CYTH1: variants seen among roughly 807,000 people sequenced by gnomAD.
CYTH1 encodes the protein cytohesin-1.
Under a neutral mutation model 61.8 loss-of-function variants are expected in CYTH1, and 18 were observed. That is an observed-to-expected ratio of 0.29 (90% CI 0.20 to 0.43). CYTH1 has a LOEUF of 0.43. Ranked by LOEUF, CYTH1 falls within the 20% of genes least tolerant of loss-of-function variation. CYTH1 has a pLI of 1.00. For synonymous variants in CYTH1, 174 were observed against 184.3 expected (o/e 0.94, Z 0.45); for missense variants, 336 against 510.5 (o/e 0.66, Z 3.29).
chr17:78,705,988 G>A (rs2093061446), intron 3 of CYTH1, among the ~76,000 whole-genome samples: 1 of 152,060 alleles, frequency 6.6e-6, no homozygotes, highest in Non-Finnish European at 1.5e-5. Flanking sequence ...GAAAGGAAAC[G>A]TACCAAAATA....
chr17:78,725,787 C>T (rs1297372530), intron 1 of CYTH1, among the ~76,000 whole-genome samples: 1 of 152,126 alleles, frequency 6.6e-6, no homozygotes, highest in African/African-American at 2.4e-5. Flanking sequence ...TAATTCTAGG[C>T]ACAGACAACA....
chr17:78,748,998 T>C (rs930182776), intron 1 of CYTH1, among the ~76,000 whole-genome samples: 2 of 152,122 alleles, frequency 1.3e-5, no homozygotes, highest in African/African-American at 4.8e-5. Flanking sequence ...CAGAGGAGCT[T>C]GCGAGAAGGG....
At chr17:78,779,092 A>G (rs2093505591) in intron 1 of CYTH1, among the ~76,000 whole-genome samples, 1 of 152,192 alleles carries the variant, frequency 6.6e-6, no homozygotes, top group African/African-American at 2.4e-5. Context: ...TAAAAGGATG[A>G]TATTTAAAAC....
chr17:78,688,918 T>G (rs1205055778), intron 11 of CYTH1, among the ~76,000 whole-genome samples: 1 of 152,224 alleles, frequency 6.6e-6, no homozygotes, highest in Non-Finnish European at 1.5e-5. Flanking sequence ...TTATTTTTGT[T>G]GGCAGTCTTG....
intron 11 of CYTH1, among the ~76,000 whole-genome samples, chr17:78,681,285 G>A (rs943417372): frequency 3.3e-5 from 5 of 152,202 alleles, no homozygotes; most frequent in Non-Finnish European, 5.9e-5. Context: ...GACACCGTGA[G>A]AGTGTGGCCG....
At position 78,702,883 on chromosome 17, in the gene CYTH1, G is replaced by A. The variant is rs138151621; in HGVS notation, c.171-279C>T. Among the ~76,000 whole-genome samples the A allele has an allele frequency of 2.6e-5, 4 of 152,108 alleles. No homozygotes were observed. In the East Asian group the frequency reaches 7.8e-4, roughly 30 times the overall value. The stretch of plus-strand genomic sequence containing the variant: ...TGTCTGAAGGCTGAAGTGCAGTGGT[G>A]CTATCTCGGCTCATTGCAACCTCTG... On this transcript the variant is annotated intron_variant, in intron 3 of 13. Coordinates refer to ENST00000446868, the MANE Select transcript of CYTH1 (RefSeq NM_004762.6).
At chr17:78,765,225 C>T (rs1312514280) in intron 1 of CYTH1, among the ~76,000 whole-genome samples, 1 of 152,080 alleles carries the variant, frequency 6.6e-6, no homozygotes, top group African/African-American at 2.4e-5. Context: ...CTCCCTGAGG[C>T]ATCAGTAGAC....
chr17:78,688,360 A>C (rs935514427), intron 11 of CYTH1, among the ~76,000 whole-genome samples: 9 of 152,232 alleles, frequency 5.9e-5, no homozygotes, highest in Non-Finnish European at 1.2e-4. Context: ...AAGAACAAGC[A>C]TTGTTGTCTT....
chr17:78,742,340 C>G (rs1283715480), intron 1 of CYTH1, among the ~76,000 whole-genome samples: 1 of 152,178 alleles, frequency 6.6e-6, no homozygotes, highest in Non-Finnish European at 1.5e-5. Context: ...GGTGAGAGGA[C>G]TGACTGAGCC....
At chr17:78,692,569 CTCTCT>C in intron 10 of CYTH1, 76 bp from the exon 11 acceptor site, 1 of 1,410,568 alleles carries the variant, frequency 7.1e-7, no homozygotes, top group Non-Finnish European at 1.0e-6. Flanking sequence ...ACACGACACC[CTCTCT>C]TCTCAGAGAG....
chr17:78,675,301 C>T lies in CYTH1; in HGVS notation c.*790G>A, dbSNP rs1442086347. 3 of 152,312 alleles carry T rather than the reference C, an allele frequency of 2.0e-5. No homozygotes were observed. The highest frequency in any genetic ancestry group is 1.9e-4 in the East Asian group (1 of 5,202). 9.4% of individuals were successfully genotyped at this position (152,312 alleles called of 1,614,324 possible). A position where few individuals can be genotyped will look rare whatever the true frequency, so the allele number is the denominator to read the frequency against. Reference sequence around the variant, plus strand: ...CAGCTCTCTCCTCTCCTCGGCGCTCCGCAGGCACTTGGGATGGAAAAGCAT... The same window carrying T: ...CAGCTCTCTCCTCTCCTCGGCGCTCTGCAGGCACTTGGGATGGAAAAGCAT... On this transcript the variant is annotated 3_prime_UTR_variant, in exon 14 of 14. Transcript: ENST00000446868.
intron 1 of CYTH1, among the ~76,000 whole-genome samples, chr17:78,778,964 AC>A (rs1243690594): frequency 6.6e-6 from 1 of 152,210 alleles, no homozygotes; most frequent in Non-Finnish European, 1.5e-5. Context: ...GGAGACTAAC[AC>A]AAACCTTAAA....
chr17:78,770,299 G>A (rs2093465538), intron 1 of CYTH1, among the ~76,000 whole-genome samples: 1 of 145,368 alleles, frequency 6.9e-6, no homozygotes, highest in Admixed American at 6.9e-5. Context: ...CTCCAGCCTG[G>A]GCAACAAGAG....
chr17:78,698,519 AC>A, intron 8 of CYTH1, 139 bp from the exon 9 acceptor site: 1 of 724,620 alleles, frequency 1.4e-6, no homozygotes, highest in Non-Finnish European at 2.3e-6. Context: ...GAAGATTATG[AC>A]CATTTCTGCT....
chr17:78,694,195 C>A (rs944959060), intron 10 of CYTH1, among the ~76,000 whole-genome samples: 1 of 152,214 alleles, frequency 6.6e-6, no homozygotes, highest in Non-Finnish European at 1.5e-5. Context: ...TAGCACCCTG[C>A]TTGGATGCTG....
chr17:78,681,435 C>T lies in CYTH1; in HGVS notation c.892-393G>A, dbSNP rs962351334. ...GAAGCCTTTCCTAGTTTCACCCTAG[C>T]GCCCCGATGCCTGGGACTGCAGCTG... is the stretch of plus-strand genomic sequence containing the variant. On this transcript the variant is annotated intron_variant, in intron 11 of 13. Transcript: ENST00000446868. 4.6e-5 allele frequency among the ~76,000 whole-genome samples: 7 copies of T among 152,282 alleles called. No homozygotes were observed. In the East Asian group the frequency reaches 1.4e-3, roughly 29 times the overall value.
At chr17:78,681,543 G>A (rs1270728503) in intron 11 of CYTH1, among the ~76,000 whole-genome samples, 2 of 152,052 alleles carry the variant, frequency 1.3e-5, no homozygotes, top group African/African-American at 4.8e-5. Flanking sequence ...CTGCCATCCT[G>A]ACAACTCCAC....
At chr17:78,778,255 G>C (rs2093500933) in intron 1 of CYTH1, among the ~76,000 whole-genome samples, 2 of 137,852 alleles carry the variant, frequency 1.5e-5, no homozygotes, top group African/African-American at 5.6e-5. Flanking sequence ...AGCTAAGACT[G>C]TGCCACCACA....
At chr17:78,731,711 T>C (rs2093295268) in intron 1 of CYTH1, among the ~76,000 whole-genome samples, 1 of 135,944 alleles carries the variant, frequency 7.4e-6, no homozygotes, top group Admixed American at 8.5e-5. Flanking sequence ...TGAGCTGAGA[T>C]AGTGCCACTG....
Sources: allele counts gnomAD v4.1 joint callset (sites outside exome capture counted in the v4.1 genomes callset), GRCh38; gene constraint gnomAD v4.1.1; transcripts MANE v1.5; gene names NCBI Gene and HGNC (gene_info 2026-07-23, HGNC 2026-07-21).